The following TOE1 variants were observed in gnomAD, a reference collection of about 807,000 sequenced individuals.
TOE1 encodes the protein target of EGR1 protein 1.
Under a neutral mutation model 49.2 loss-of-function variants are expected in TOE1, and 50 were observed. The ratio of observed to expected loss-of-function variants is 1.02; its 90% confidence interval spans 0.81 to 1.29. The LOEUF (loss-of-function observed/expected upper bound fraction) is 1.29. Among genes scored for constraint, TOE1 ranks in the 50% most tolerant of loss-of-function variants. TOE1 has a pLI of 0.00. For synonymous variants in TOE1, 221 were observed against 247.0 expected (o/e 0.89, Z 0.99); for missense variants, 544 against 654.4 (o/e 0.83, Z 1.84).
At chr1:45,342,319 T>A (rs1647045986) in intron 5 of TOE1, 65 bp from the exon 6 acceptor site, 1 of 1,580,906 alleles carries the variant, frequency 6.3e-7, no homozygotes, top group Non-Finnish European at 8.6e-7. Flanking sequence ...CTGGGATAAG[T>A]GCCCAGCAGA....
At position 45,341,059 on chromosome 1, in the gene TOE1, C is replaced by T. The variant is rs1646927528; in HGVS notation, c.53-14C>T. The T allele has an allele frequency of 6.2e-7, 1 of 1,614,028 alleles. No homozygotes were observed. ...TCCTTAAGCATGAACATCCATCACC[C>T]TCCTAACCCCCAGGTGGTGTCAGCA... On this transcript the variant is annotated splice_polypyrimidine_tract_variant and intron_variant, in intron 1 of 7. Transcript: ENST00000372090.
chr1:45,343,719 C>T lies in TOE1; in HGVS notation c.*17C>T. 6.3e-7 allele frequency: 1 copy of T among 1,598,070 alleles called. No homozygotes were observed. On this transcript the variant is annotated 3_prime_UTR_variant, in exon 8 of 8. Transcript: ENST00000372090. This position sits in a 1 kb window ranked among gnomAD's most constrained non-coding sequence, Gnocchi z 4.3. The stretch of plus-strand genomic sequence containing the variant: ...AGTAGCTGATGCAACTTCCACCTTG[C>T]TCTCAGGTGGAACAGAGGTATTTTG...
Position 45,340,329 on chromosome 1 carries a change from T to C in TOE1, c.52+25T>C, listed in dbSNP as rs571319376. ...GGTGAGCGGCTTCCCAGAGGTAGCC[T>C]TCAAAGCCTCTGCGCTCTGGGAGAG... On this transcript the variant is annotated intron_variant, in intron 1 of 7. Transcript: ENST00000372090. 2.5e-5 allele frequency: 40 copies of C among 1,605,972 alleles called. No homozygotes were observed. In the African/African-American group the frequency reaches 3.1e-4, roughly 12 times the overall value.
In TOE1 at chr1:45,341,933, C is replaced by T. The variant is rs1647016500; in HGVS notation, c.334-16C>T. 1 of 1,612,270 alleles carries T rather than the reference C, an allele frequency of 6.2e-7. No homozygotes were observed. Among genetic ancestry groups the T allele is most frequent in the African/African-American group, 1.3e-5 (1 of 74,986 alleles). ...CTCTCTGAAATCTTGATATAGCAGA[C>T]TTCTCTTTCTCCCAGGGTGAACATT... On this transcript the variant is annotated splice_polypyrimidine_tract_variant and intron_variant, in intron 4 of 7. Coordinates refer to ENST00000372090, the MANE Select transcript of TOE1 (RefSeq NM_025077.4).
chr1:45,342,312 G>A, intron 5 of TOE1, 72 bp from the exon 6 acceptor site: 1 of 1,573,000 alleles, frequency 6.4e-7, no homozygotes. Flanking sequence ...GGGAAGTCTG[G>A]GATAAGTGCC....
rs751535575 is a variant in TOE1, at chr1:45,340,188, CGCCAGGA to C, written c.-63_-57del. ...GCCCCATCCCCGACTGCCTGAACCG[CGCCAGGA>C]GACGGACCGCAAGTCCAGCGTACCC... On this transcript the variant is annotated 5_prime_UTR_variant, in exon 1 of 8. Coordinates refer to ENST00000372090, the MANE Select transcript of TOE1 (RefSeq NM_025077.4). 1.8e-5 allele frequency: 29 copies of C among 1,613,088 alleles called. No homozygotes were observed. In the South Asian group the frequency reaches 3.0e-4, roughly 17 times the overall value.
intron 1 of TOE1, among the ~76,000 whole-genome samples, chr1:45,340,852 G>A (rs1489135212): frequency 6.6e-6 from 1 of 152,184 alleles, no homozygotes; most frequent in African/African-American, 2.4e-5. Context: ...AATTTACCCA[G>A]GCTCATACAA....
At chr1:45,342,173 G>A (rs1329429674) in intron 5 of TOE1, 66 bp downstream of exon 5, 3 of 1,578,964 alleles carry the variant, frequency 1.9e-6, no homozygotes, top group Non-Finnish European at 8.7e-7. Flanking sequence ...CCTACCCTAG[G>A]CTGGATGTCT....
At chr1:45,340,603 AAGGT>A in intron 1 of TOE1, 1 of 1,327,474 alleles carries the variant, frequency 7.5e-7, no homozygotes, top group Non-Finnish European at 9.7e-7. Context: ...GATCCAAAGG[AAGGT>A]AGGACGTATT....
intron 1 of TOE1, 32 bp downstream of exon 1, chr1:45,340,336 C>T: frequency 1.9e-6 from 3 of 1,600,258 alleles, no homozygotes; most frequent in South Asian, 1.1e-5. Context: ...GCCTTCAAAG[C>T]CTCTGCGCTC....
intron 1 of TOE1, 78 bp downstream of exon 1, chr1:45,340,382 A>C: frequency 1.9e-6 from 3 of 1,551,692 alleles, no homozygotes; most frequent in Non-Finnish European, 2.6e-6. Context: ...ATAGTTCTAG[A>C]GGCTCCTCAA....
chr1:45,342,982 A>G lies in TOE1; in HGVS notation c.892A>G (p.Ser298Gly). ...AGCAACCCACCGTCCTCATCCCACCAGCATCTGTGACAACTTCTCGGTGAG... is the reference window on the plus strand; with the variant it reads ...AGCAACCCACCGTCCTCATCCCACCGGCATCTGTGACAACTTCTCGGTGAG... The part of the protein sequence containing the change: ...PPATHRPHPT[S>G]ICDNFSAYGW... Residue 298 changes from serine (S) to glycine (G), a missense_variant, in exon 7 of 8, where the codon AGC (serine) becomes GGC (glycine). Ser to Gly is a moderately conservative substitution (Grantham distance 56). Coordinates refer to ENST00000372090, the MANE Select transcript of TOE1 (RefSeq NM_025077.4). 2 of 1,611,958 alleles carry G rather than the reference A, an allele frequency of 1.2e-6. No homozygotes were observed. Among genetic ancestry groups the G allele is most frequent in the Non-Finnish European group, 1.7e-6 (2 of 1,179,486 alleles).
intron 6 of TOE1, 57 bp downstream of exon 6, chr1:45,342,700 T>G: frequency 7.5e-6 from 12 of 1,602,982 alleles, no homozygotes; most frequent in Non-Finnish European, 1.0e-5. Flanking sequence ...TTTCATTCAC[T>G]TAAGATATTT....
At position 45,341,143 on chromosome 1, in the gene TOE1, C is replaced by A; in HGVS notation, c.123C>A (p.Ser41Arg). 1 of 1,614,184 alleles carries A rather than the reference C, an allele frequency of 6.2e-7. No individual in the cohort carries two copies. Among genetic ancestry groups the A allele is most frequent in the Non-Finnish European group, 8.5e-7 (1 of 1,180,038 alleles). The change falls in exon 2 of 8, where the codon AGC becomes AGA. Residue 41 changes from serine (S) to arginine (R), a missense_variant. Transcript: ENST00000372090. Reference sequence around the variant, plus strand: ...AGGTTCCCGTAGTGGATGTGCAAAGCAACAACTTCAAGGAGATGTGGCCAT... The same window carrying A: ...AGGTTCCCGTAGTGGATGTGCAAAGAAACAACTTCAAGGAGATGTGGCCAT... Reference protein sequence around the residue: ...VVQVPVVDVQSNNFKEMWPSL... With the variant: ...VVQVPVVDVQRNNFKEMWPSL...
At position 45,341,235 on chromosome 1, in the gene TOE1, G is replaced by C. The variant is rs985517031; in HGVS notation, c.195+20G>C. 2 of 1,614,080 alleles carry C rather than the reference G, an allele frequency of 1.2e-6. No homozygotes were observed. Among genetic ancestry groups the C allele is most frequent in the Non-Finnish European group, 1.7e-6 (2 of 1,180,038 alleles). On this transcript the variant is annotated intron_variant, in intron 2 of 7. Coordinates refer to ENST00000372090, the MANE Select transcript of TOE1 (RefSeq NM_025077.4). ...GACACGGTGAGAGTTGGGAAACAAG[G>C]AGGGCAGGTGGTTGTGAAGGGGCTG...
rs1647066950 is a variant in TOE1, at chr1:45,342,867, G to A, written c.777G>A (p.Arg259=). ...RKCERENGKQ[R]AAGSPHLTLE... ...GTGAACGGGAAAATGGGAAGCAGCGGGCAGCTGGCAGCCCACACCTTACCC... is the reference window on the plus strand; with the variant it reads ...GTGAACGGGAAAATGGGAAGCAGCGAGCAGCTGGCAGCCCACACCTTACCC... Residue 259 remains arginine, a synonymous_variant, in exon 7 of 8, where the codon CGG becomes CGA. Transcript: ENST00000372090. 1 of 1,614,080 alleles carries A rather than the reference G, an allele frequency of 6.2e-7. No individual in the cohort carries two copies. Among genetic ancestry groups the A allele is most frequent in the Non-Finnish European group, 8.5e-7 (1 of 1,180,028 alleles).
rs1031399761 is a variant in TOE1 at position 45,342,060 on chromosome 1, A to G, written c.445A>G (p.Asn149Asp). 7 of 1,613,966 alleles carry G rather than the reference A, an allele frequency of 4.3e-6. No homozygotes were observed. The highest frequency in any genetic ancestry group is 1.7e-5 in the Admixed American group (1 of 60,006). Residue 149 changes from asparagine (N) to aspartate (D), a missense_variant, in exon 5 of 8, where the codon AAC becomes GAC. Asn to Asp is a conservative substitution (Grantham distance 23). Transcript: ENST00000372090. ...QFLIQHGFNF[N>D]QQYAQGIPYH... ...CCTGATACAGCATGGCTTCAACTTCAACCAGCAGTATGCCCAAGGCATCCC... is the reference window on the plus strand; with the variant it reads ...CCTGATACAGCATGGCTTCAACTTCGACCAGCAGTATGCCCAAGGCATCCC...
At position 45,342,181 on chromosome 1, in the gene TOE1, T is replaced by A. The variant is rs139615826; in HGVS notation, c.492+74T>A. The A allele has an allele frequency of 2.6e-6, 4 of 1,565,666 alleles. No homozygotes were observed. In the African/African-American group the frequency reaches 5.4e-5, roughly 21 times the overall value. ...ATTTCTTCCTACCCTAGGCTGGATGTCTGGGGAGAATCTGCTTCTTAGGGA... is the reference window on the plus strand; with the variant it reads ...ATTTCTTCCTACCCTAGGCTGGATGACTGGGGAGAATCTGCTTCTTAGGGA... On this transcript the variant is annotated intron_variant, in intron 5 of 7. Coordinates refer to ENST00000372090, the MANE Select transcript of TOE1 (RefSeq NM_025077.4).
At chr1:45,342,212 G>A in intron 5 of TOE1, 105 bp downstream of exon 5, 3 of 1,515,428 alleles carry the variant, frequency 2.0e-6, no homozygotes, top group Non-Finnish European at 2.7e-6. Context: ...AGGGAGTATG[G>A]GGAATCACTA....
Sources: gnomAD v4.1 joint callset for allele counts (sites outside exome capture counted in the v4.1 genomes callset) on GRCh38, gnomAD v4.1.1 for gene constraint, Gnocchi (gnomAD v3.1) non-coding constraint, MANE v1.5 for transcripts, NCBI Gene and HGNC (gene_info 2026-07-23, HGNC 2026-07-21) for gene names.